Variants in MTHFS observed in about 807,000 individuals in gnomAD.
MTHFS encodes the protein 5-formyltetrahydrofolate cyclo-ligase.
In MTHFS, 7 loss-of-function variants were observed where a neutral mutation model predicts 12.7. That is an observed-to-expected ratio of 0.55 (90% CI 0.31 to 1.03). MTHFS has a LOEUF of 1.03. Among genes scored for constraint, MTHFS ranks in the 50% least tolerant of loss-of-function variants. The pLI is 0.05. For synonymous variants in MTHFS, 100 were observed against 97.1 expected (o/e 1.03, Z -0.18); for missense variants, 252 against 258.1 (o/e 0.98, Z 0.16).
rs1282497697 is a variant in MTHFS at position 79,844,095 on chromosome 15, T to C, written c.*1115A>G. The C allele has an allele frequency of 3.9e-5, 6 of 152,196 alleles. No homozygotes were observed. The highest frequency in any genetic ancestry group is 1.4e-4 in the African/African-American group (6 of 41,428). The allele number at this position is 152,196 out of a possible 1,614,324, so 9.4% of individuals were successfully genotyped here. A position where few individuals can be genotyped will look rare whatever the true frequency, so the allele number is the denominator to read the frequency against. Reference sequence around the variant, plus strand: ...ATGAGGAGACCTCTCTTAAGGGGCTTTGTATACAACAGAAGCCATCTGTTT... The same window carrying C: ...ATGAGGAGACCTCTCTTAAGGGGCTCTGTATACAACAGAAGCCATCTGTTT... On this transcript the variant is annotated 3_prime_UTR_variant, in exon 3 of 3. Transcript: ENST00000258874.
intron 2 of MTHFS, among the ~76,000 whole-genome samples, chr15:79,864,416 G>A (rs1335281033): frequency 6.6e-6 from 1 of 151,666 alleles, no homozygotes; most frequent in South Asian, 2.1e-4. Context: ...GTGGTGGTAC[G>A]CGCCCATAGT....
chr15:79,850,259 G>A (rs1316112244), intron 2 of MTHFS, among the ~76,000 whole-genome samples: 1 of 152,144 alleles, frequency 6.6e-6, no homozygotes, highest in Admixed American at 6.5e-5. Flanking sequence ...AGTATTTTTT[G>A]ACCAGAGCTT....
chr15:79,893,353 G>A (rs931999630), intron 1 of MTHFS, among the ~76,000 whole-genome samples: 1 of 151,792 alleles, frequency 6.6e-6, no homozygotes, highest in African/African-American at 2.4e-5. Flanking sequence ...AGTGAGCCAA[G>A]ATTGCGCCAC....
Position 79,853,660 on chromosome 15 carries a change from G to A in MTHFS, c.380-8218C>T, listed in dbSNP as rs76732500. Among the ~76,000 whole-genome samples, 4 of 152,176 alleles carry A rather than the reference G, an allele frequency of 2.6e-5. No individual in the cohort carries two copies. In the East Asian group the frequency reaches 5.8e-4, roughly 22 times the overall value. ...CAGATTTCCTATCAGCCCAAACCAT[G>A]TGCAAGGGTGGGCCTAGCTCTCTAC... On this transcript the variant is annotated intron_variant, in intron 2 of 2. Coordinates refer to ENST00000258874, the MANE Select transcript of MTHFS (RefSeq NM_006441.4).
chr15:79,888,357 C>G (rs769190557), intron 2 of MTHFS, among the ~76,000 whole-genome samples: 3 of 152,104 alleles, frequency 2.0e-5, no homozygotes, highest in African/African-American at 7.2e-5. Context: ...TTACTTCAAT[C>G]TAAGGGCAAT....
rs142253585 is a variant in MTHFS, at chr15:79,891,112, T to C, written c.118-1758A>G. ...TAAGAGAATAGAGACCTAATTTCTGTAAGACAAAGAGTGGATGGGACAGTA... is the reference window on the plus strand; with the variant it reads ...TAAGAGAATAGAGACCTAATTTCTGCAAGACAAAGAGTGGATGGGACAGTA... On this transcript the variant is annotated intron_variant, in intron 1 of 2. Coordinates refer to ENST00000258874, the MANE Select transcript of MTHFS (RefSeq NM_006441.4). Among the ~76,000 whole-genome samples the C allele has an allele frequency of 5.4e-3, 818 of 152,294 alleles. 1 individual carries two copies. Among genetic ancestry groups the C allele is most frequent in the Non-Finnish European group, 8.4e-3 (573 of 68,026 alleles).
In MTHFS at chr15:79,845,370, C is replaced by T. The variant is rs1297833466; in HGVS notation, c.452G>A (p.Gly151Asp). 2 of 1,614,082 alleles carry T rather than the reference C, an allele frequency of 1.2e-6. No individual in the cohort carries two copies. The highest frequency in any genetic ancestry group is 1.7e-6 in the Non-Finnish European group (2 of 1,180,036). The change falls in exon 3 of 3, where the codon GGC (glycine) becomes GAC (aspartate). Residue 151 changes from glycine to aspartate, a missense_variant. Transcript: ENST00000258874. ...KHGNRLGRGK[G>D]YYDAYLKRCL... is the part of the protein sequence containing the mutation. Reference sequence around the variant, plus strand: ...GCGCTTCAGATAGGCATCATAGTAGCCCTTGCCCCTCCCCAGTCGGTTGCC... The same window carrying T: ...GCGCTTCAGATAGGCATCATAGTAGTCCTTGCCCCTCCCCAGTCGGTTGCC...
At chr15:79,891,483 T>C (rs1036950320) in intron 1 of MTHFS, among the ~76,000 whole-genome samples, 3 of 151,934 alleles carry the variant, frequency 2.0e-5, no homozygotes, top group African/African-American at 7.3e-5. Context: ...GAGGAAGCAA[T>C]CAGGGAATTA....
intron 2 of MTHFS, among the ~76,000 whole-genome samples, chr15:79,880,245 C>CT (rs1350308822): frequency 6.6e-6 from 1 of 151,756 alleles, no homozygotes; most frequent in Non-Finnish European, 1.5e-5. Context: ...AATTCTTTTT[C>CT]TTTTTTTGTA....
At chr15:79,894,181 G>A (rs2034525203) in intron 1 of MTHFS, among the ~76,000 whole-genome samples, 1 of 152,168 alleles carries the variant, frequency 6.6e-6, no homozygotes, top group Admixed American at 6.5e-5. Context: ...TCGAGTTCGA[G>A]ACCACCCTGG....
chr15:79,896,278 C>T (rs2034565725), intron 1 of MTHFS, among the ~76,000 whole-genome samples: 1 of 152,238 alleles, frequency 6.6e-6, no homozygotes, highest in African/African-American at 2.4e-5. Context: ...GGCCCTGGAG[C>T]TACTGAGACA....
chr15:79,873,489 C>A (rs1032223506), intron 2 of MTHFS, among the ~76,000 whole-genome samples: 3 of 152,036 alleles, frequency 2.0e-5, no homozygotes, highest in Non-Finnish European at 4.4e-5. Flanking sequence ...CCTGAAAAAT[C>A]AGAAATTTCC....
chr15:79,895,474 C>T (rs1285621905), intron 1 of MTHFS, among the ~76,000 whole-genome samples: 1 of 152,200 alleles, frequency 6.6e-6, no homozygotes, highest in Non-Finnish European at 1.5e-5. Context: ...GAGCAACAAT[C>T]ATATCTTTTT....
chr15:79,897,066 C>T, upstream of MTHFS: 2 of 1,360,484 alleles, frequency 1.5e-6, no homozygotes, highest in Non-Finnish European at 1.9e-6. Context: ...CTGGCCGCTC[C>T]CAGGTGGATC....
At chr15:79,884,104 G>C (rs1473857263) in intron 2 of MTHFS, among the ~76,000 whole-genome samples, 1 of 152,190 alleles carries the variant, frequency 6.6e-6, no homozygotes, top group Non-Finnish European at 1.5e-5. Flanking sequence ...TGTAAGGTAG[G>C]TCTGAGTCCA....
chr15:79,851,873 G>C (rs1042199109), intron 2 of MTHFS, among the ~76,000 whole-genome samples: 5 of 152,202 alleles, frequency 3.3e-5, no homozygotes, highest in Admixed American at 6.5e-5. Flanking sequence ...GTACAGGAGA[G>C]GGGTTAAGTG....
chr15:79,896,800 A>T, intron 1 of MTHFS, 72 bp downstream of exon 1: 1 of 1,530,414 alleles, frequency 6.5e-7, no homozygotes, highest in Non-Finnish European at 8.7e-7. Flanking sequence ...CCATGCACAG[A>T]TCAGCAATCG....
intron 2 of MTHFS, among the ~76,000 whole-genome samples, chr15:79,873,234 G>T (rs1208680236): frequency 6.6e-6 from 1 of 152,080 alleles, no homozygotes; most frequent in Non-Finnish European, 1.5e-5. Context: ...AAGGGACCTG[G>T]GTCTTAATAT....
At chr15:79,864,551 A>C (rs2033976034) in intron 2 of MTHFS, among the ~76,000 whole-genome samples, 1 of 64,634 alleles carries the variant, frequency 1.5e-5, no homozygotes, top group Non-Finnish European at 3.4e-5. Flanking sequence ...TCTCAACAAA[A>C]AAAAAAAAAA....
Sources: allele counts gnomAD v4.1 joint callset (sites outside exome capture counted in the v4.1 genomes callset), GRCh38; gene constraint gnomAD v4.1.1; transcripts MANE v1.5; gene names NCBI Gene and HGNC (gene_info 2026-07-23, HGNC 2026-07-21).